Variants in PKD1L1 observed in about 807,000 individuals in gnomAD.
The protein encoded by PKD1L1 is polycystin 1 like 1, transient receptor potential channel interacting.
A neutral mutation model predicts 323.4 loss-of-function variants in PKD1L1; 236 were observed. The ratio of observed to expected loss-of-function variants is 0.73; its 90% CI spans 0.66 to 0.81. The LOEUF (loss-of-function observed/expected upper bound fraction) is 0.81. Among genes scored for constraint, PKD1L1 ranks in the 40% least tolerant of loss-of-function variants. PKD1L1 has a pLI of 0.00. For synonymous variants in PKD1L1, 1,344 were observed against 1,335.0 expected (o/e 1.01, Z -0.15); for missense variants, 3,320 against 3,508.0 (o/e 0.95, Z 1.35).
intron 6 of PKD1L1, 141 bp downstream of exon 6, chr7:47,930,963 A>T (rs929125150): frequency 3.4e-6 from 3 of 890,522 alleles, no homozygotes; most frequent in Non-Finnish European, 5.1e-6. Flanking sequence ...CAGCATTGTA[A>T]CTTGAAAGTC....
At chr7:47,847,092 T>TA in intron 31 of PKD1L1, 21 bp from the exon 32 acceptor site, 1 of 1,543,958 alleles carries the variant, frequency 6.5e-7, no homozygotes, top group Non-Finnish European at 8.7e-7. Flanking sequence ...AAAACATAAA[T>TA]AAAAAGTACA....
intron 50 of PKD1L1, among the ~76,000 whole-genome samples, chr7:47,810,657 G>T (rs990499958): frequency 3.3e-5 from 5 of 152,216 alleles, no homozygotes; most frequent in African/African-American, 1.2e-4. Context: ...CTAAAGCAAA[G>T]TAACCTTGAC....
At chr7:47,953,020 T>C (rs1788226806), upstream of PKD1L1, among the ~76,000 whole-genome samples, 1 of 152,128 alleles carries the variant, frequency 6.6e-6, no homozygotes. Flanking sequence ...TAGGGGAACA[T>C]AACCATACCC....
chr7:47,791,446 G>GTCATT (rs1333880873), intron 56 of PKD1L1, among the ~76,000 whole-genome samples: 1 of 137,124 alleles, frequency 7.3e-6, no homozygotes, highest in Non-Finnish European at 1.5e-5. Context: ...GCTTCAAACT[G>GTCATT]TCATTTCAAA....
intron 13 of PKD1L1, among the ~76,000 whole-genome samples, chr7:47,900,736 A>G (rs1787068245): frequency 6.6e-6 from 1 of 152,162 alleles, no homozygotes; most frequent in Non-Finnish European, 1.5e-5. Context: ...CTCAAAAATA[A>G]ATAAATAAAT....
intron 16 of PKD1L1, among the ~76,000 whole-genome samples, chr7:47,889,245 T>C (rs1161706360): frequency 6.6e-6 from 1 of 152,194 alleles, no homozygotes. Flanking sequence ...CAAAAGATGT[T>C]CACCTGATAG....
At chr7:47,911,633 A>G (rs1787323240) in intron 8 of PKD1L1, among the ~76,000 whole-genome samples, 1 of 152,230 alleles carries the variant, frequency 6.6e-6, no homozygotes, top group Admixed American at 6.5e-5. Flanking sequence ...GAATAAAAAT[A>G]AAAACTTTTT....
Position 47,936,849 on chromosome 7 carries a change from T to A in PKD1L1, c.395A>T (p.Asp132Val), listed in dbSNP as rs768695503. 2 of 1,606,376 alleles carry A rather than the reference T, an allele frequency of 1.2e-6. No individual in the cohort carries two copies. Among genetic ancestry groups the A allele is most frequent in the Non-Finnish European group, 1.7e-6 (2 of 1,176,724 alleles). Reference protein sequence around the residue: ...QAPLDCDNSADRIPHKPFIII... With the variant: ...QAPLDCDNSAVRIPHKPFIII... ...TCGCCATGGTACATTGACATACCTA[T>A]CAGCACTGTTATCACAATCCAGAGG... Residue 132 changes from aspartate to valine, a missense_variant, in exon 4 of 57, where the codon GAT (aspartate) becomes GTT (valine). By Grantham distance (152) the Asp-to-Val change is radical (BLOSUM62 -3). Coordinates refer to ENST00000289672, the MANE Select transcript of PKD1L1 (RefSeq NM_138295.5).
At chr7:47,796,755 A>C (rs1180949756) in intron 54 of PKD1L1, among the ~76,000 whole-genome samples, 1 of 151,338 alleles carries the variant, frequency 6.6e-6, no homozygotes, top group African/African-American at 2.4e-5. Context: ...TGGGAGGCCA[A>C]GGCAGGCGGA....
At chr7:47,895,895 T>C (rs915403603) in intron 14 of PKD1L1, among the ~76,000 whole-genome samples, 1 of 152,204 alleles carries the variant, frequency 6.6e-6, no homozygotes, top group African/African-American at 2.4e-5. Flanking sequence ...CTGTTTATTT[T>C]AAGGCTAGTG....
intron 31 of PKD1L1, among the ~76,000 whole-genome samples, chr7:47,847,744 G>C (rs1785695284): frequency 6.6e-6 from 1 of 151,944 alleles, no homozygotes; most frequent in Non-Finnish European, 1.5e-5. Flanking sequence ...ATCTAAATAT[G>C]AAAGAAAAAA....
At chr7:47,836,858 C>CA in intron 37 of PKD1L1, 63 bp downstream of exon 37, 1 of 1,527,848 alleles carries the variant, frequency 6.5e-7, no homozygotes, top group Non-Finnish European at 8.9e-7. Flanking sequence ...ATTTCTTAGG[C>CA]AAAAAGGGGC....
intron 4 of PKD1L1, among the ~76,000 whole-genome samples, chr7:47,935,687 C>T (rs1054533471): frequency 3.9e-5 from 6 of 152,178 alleles, no homozygotes; most frequent in African/African-American, 9.7e-5. Context: ...GGACTTGGCC[C>T]GTGGTCTCCC....
At chr7:47,958,780 GCCCTCTCCCTCT>G in the PKD1L1 span, among the ~76,000 whole-genome samples, 29 of 151,808 alleles carry the variant, frequency 1.9e-4, no homozygotes, top group Admixed American at 5.9e-4. Context: ...ATGGTCAAAA[GCCCTCTCCCTCT>G]CCCTCTCCCT....
chr7:47,775,101 GC>G lies in PKD1L1; in HGVS notation c.*41del. The G allele has an allele frequency of 6.2e-7, 1 of 1,603,626 alleles. No homozygotes were observed. Among genetic ancestry groups the G allele is most frequent in the South Asian group, 1.1e-5 (1 of 89,312 alleles). On this transcript the variant is annotated 3_prime_UTR_variant, in exon 57 of 57. Coordinates refer to ENST00000289672, the MANE Select transcript of PKD1L1 (RefSeq NM_138295.5). ...TAAAATTGGCTGTTGGGTGGGTTAA[GC>G]AAAACAGGGTCCATAGTGCCTATGC...
chr7:47,814,045 G>C, intron 47 of PKD1L1, 31 bp from the exon 48 acceptor site: 1 of 1,586,834 alleles, frequency 6.3e-7, no homozygotes, highest in South Asian at 1.1e-5. Context: ...ATGAGGACTG[G>C]GTGTGCTGTG....
intron 50 of PKD1L1, among the ~76,000 whole-genome samples, chr7:47,810,887 G>A (rs927086456): frequency 6.6e-6 from 1 of 152,172 alleles, no homozygotes; most frequent in Admixed American, 6.5e-5. Context: ...TCCTAGTGTG[G>A]ATATATGTGG....
intron 55 of PKD1L1, among the ~76,000 whole-genome samples, chr7:47,793,314 C>T (rs904957399): frequency 6.6e-6 from 1 of 152,086 alleles, no homozygotes; most frequent in Non-Finnish European, 1.5e-5. Context: ...ATTCAAATCT[C>T]AACTTGAATT....
chr7:47,939,258 T>C (rs1474088078), intron 3 of PKD1L1, among the ~76,000 whole-genome samples: 1 of 152,142 alleles, frequency 6.6e-6, no homozygotes, highest in East Asian at 1.9e-4. Context: ...CATTTCAATA[T>C]AAACTCAGAT....
Sources: gnomAD v4.1 joint callset for allele counts (sites outside exome capture counted in the v4.1 genomes callset) on GRCh38, gnomAD v4.1.1 for gene constraint, MANE v1.5 for transcripts, NCBI Gene and HGNC (gene_info 2026-07-23, HGNC 2026-07-21) for gene names.